WDFY1: variants seen among roughly 807,000 people sequenced by gnomAD.
WDFY1 encodes the protein WD repeat and FYVE domain containing 1.
Under a neutral mutation model 56.4 loss-of-function variants are expected in WDFY1, and 32 were observed. That is an observed-to-expected ratio of 0.57 (90% CI 0.43 to 0.76). The LOEUF (loss-of-function observed/expected upper bound fraction) is 0.76, where lower values mean the gene tolerates loss of function less well. Among genes scored for constraint, WDFY1 ranks in the 30% least tolerant of loss-of-function variants. The pLI is 0.00. For missense variants in WDFY1, 480 were observed against 545.7 expected (o/e 0.88, Z 1.20); for synonymous variants, 192 against 197.3 (o/e 0.97, Z 0.23).
intron 8 of WDFY1, among the ~76,000 whole-genome samples, chr2:223,891,224 A>C (rs1323667994): frequency 2.6e-5 from 4 of 151,880 alleles, no homozygotes; most frequent in Non-Finnish European, 5.9e-5. Context: ...AAAAATATAA[A>C]ATATTAGCCA....
At chr2:223,887,533 A>C (rs1693192063) in intron 8 of WDFY1, among the ~76,000 whole-genome samples, 1 of 152,232 alleles carries the variant, frequency 6.6e-6, no homozygotes, top group South Asian at 2.1e-4. Flanking sequence ...AAAAACATTA[A>C]GTGTAAAAAA....
intron 1 of WDFY1, among the ~76,000 whole-genome samples, chr2:223,924,182 T>C (rs1693938752): frequency 6.6e-6 from 1 of 152,224 alleles, no homozygotes; most frequent in Non-Finnish European, 1.5e-5. Flanking sequence ...TAATAAATCT[T>C]TTCCAAACTT....
At chr2:223,930,798 A>G (rs942178633) in intron 1 of WDFY1, among the ~76,000 whole-genome samples, 2 of 152,172 alleles carry the variant, frequency 1.3e-5, no homozygotes, top group African/African-American at 4.8e-5. Context: ...CATGGGAGAG[A>G]GCTCAACTGT....
At chr2:223,891,274 C>G (rs1693271433) in intron 8 of WDFY1, among the ~76,000 whole-genome samples, 1 of 149,022 alleles carries the variant, frequency 6.7e-6, no homozygotes, top group Non-Finnish European at 1.5e-5. Context: ...CCCCAGATAC[C>G]TGGGAGGCTG....
intron 10 of WDFY1, among the ~76,000 whole-genome samples, chr2:223,881,172 G>A (rs1005486908): frequency 6.6e-6 from 1 of 152,226 alleles, no homozygotes; most frequent in African/African-American, 2.4e-5. Context: ...TTTAAGAATA[G>A]ACTGCTAGGC....
chr2:223,878,797 C>G, intron 11 of WDFY1, 67 bp from the exon 12 acceptor site: 1 of 1,569,006 alleles, frequency 6.4e-7, no homozygotes, highest in South Asian at 1.1e-5. Context: ...AGAGTCAACA[C>G]AGACAAACAA....
intron 8 of WDFY1, among the ~76,000 whole-genome samples, chr2:223,887,303 T>C (rs948544141): frequency 2.2e-4 from 33 of 152,160 alleles, no homozygotes; most frequent in African/African-American, 7.5e-4. Context: ...GTCTGGGACA[T>C]GCCCAAGCGT....
intron 1 of WDFY1, among the ~76,000 whole-genome samples, chr2:223,940,474 G>T (rs987065962): frequency 3.3e-5 from 5 of 152,098 alleles, no homozygotes; most frequent in African/African-American, 1.2e-4. Flanking sequence ...GTGAGGATTG[G>T]ATCCAATAAC....
chr2:223,910,204 A>G (rs1383719773), intron 3 of WDFY1, among the ~76,000 whole-genome samples: 1 of 152,238 alleles, frequency 6.6e-6, no homozygotes, highest in East Asian at 1.9e-4. Flanking sequence ...GGATGTCCAC[A>G]TACAGAAGAA....
At position 223,895,485 on chromosome 2, in the gene WDFY1, C is replaced by G; in HGVS notation, c.725+19G>C. 1 of 1,613,702 alleles carries G rather than the reference C, an allele frequency of 6.2e-7. No homozygotes were observed. The highest frequency in any genetic ancestry group is 1.3e-5 in the African/African-American group (1 of 75,018). On this transcript the variant is annotated intron_variant, in intron 7 of 11. Transcript: ENST00000233055. ...CACTAACTCGGATTCTTTCCCCACC[C>G]CCACAAGTGGTCACGCACTGATGGC...
chr2:223,893,573 GTC>G (rs1559164674), intron 8 of WDFY1, among the ~76,000 whole-genome samples: 1 of 151,912 alleles, frequency 6.6e-6, no homozygotes, highest in East Asian at 1.9e-4. Flanking sequence ...CAATTAGACT[GTC>G]TGTCTAAAGA....
intron 6 of WDFY1, among the ~76,000 whole-genome samples, chr2:223,897,382 A>ATTTTTTT (rs1418724112): frequency 9.4e-6 from 1 of 106,404 alleles, no homozygotes; most frequent in Non-Finnish European, 1.7e-5. Flanking sequence ...ATATATATAT[A>ATTTTTTT]TATATATATT....
intron 3 of WDFY1, among the ~76,000 whole-genome samples, chr2:223,908,562 C>A (rs1005324737): frequency 6.6e-6 from 1 of 152,194 alleles, no homozygotes; most frequent in Non-Finnish European, 1.5e-5. Context: ...CTCCTTTAGG[C>A]TCCCAGTCCT....
At chr2:223,892,638 G>C (rs1693298163) in intron 8 of WDFY1, among the ~76,000 whole-genome samples, 1 of 152,090 alleles carries the variant, frequency 6.6e-6, no homozygotes, top group South Asian at 2.1e-4. Flanking sequence ...AAAAATGAAG[G>C]TTTAATCAGT....
chr2:223,896,811 T>C (rs1693389389), intron 6 of WDFY1, among the ~76,000 whole-genome samples: 1 of 152,228 alleles, frequency 6.6e-6, no homozygotes. Context: ...CACATGACTT[T>C]CGACCCTGTG....
chr2:223,901,551 C>T (rs1230330409), intron 4 of WDFY1, among the ~76,000 whole-genome samples: 1 of 152,174 alleles, frequency 6.6e-6, no homozygotes, highest in Non-Finnish European at 1.5e-5. Context: ...CTGCTCCCCA[C>T]AGGCATGGCC....
intron 3 of WDFY1, among the ~76,000 whole-genome samples, chr2:223,910,671 G>C (rs1693682801): frequency 6.6e-6 from 1 of 152,062 alleles, no homozygotes; most frequent in South Asian, 2.1e-4. Context: ...CTAGTCATTA[G>C]GAAAACGCGA....
chr2:223,920,561 T>C (rs1478260575), intron 1 of WDFY1, among the ~76,000 whole-genome samples: 1 of 152,246 alleles, frequency 6.6e-6, no homozygotes, highest in African/African-American at 2.4e-5. Context: ...CACAGCTGTA[T>C]GTAACCTCCA....
At chr2:223,901,153 G>A (rs1464374159) in intron 5 of WDFY1, 30 bp downstream of exon 5, 2 of 1,598,358 alleles carry the variant, frequency 1.3e-6, no homozygotes, top group South Asian at 1.1e-5. Flanking sequence ...GAGGCCAGGG[G>A]AAGGAGAGGT....
Sources: gnomAD v4.1 joint callset for allele counts (sites outside exome capture counted in the v4.1 genomes callset) on GRCh38, gnomAD v4.1.1 for gene constraint, MANE v1.5 for transcripts, NCBI Gene and HGNC (gene_info 2026-07-23, HGNC 2026-07-21) for gene names.